Variants in PCNT observed in about 807,000 individuals in gnomAD.
PCNT encodes kendrin.
In PCNT, 319 loss-of-function variants were observed where a neutral mutation model predicts 380.4. The observed-to-expected ratio is 0.84, with a 90% CI of 0.77 to 0.92. The LOEUF is 0.92. Ranked by LOEUF, PCNT falls within the 40% of genes least tolerant of loss-of-function variation. The pLI is 0.00. For synonymous variants in PCNT, 1,845 were observed against 1,735.2 expected (o/e 1.06, Z -1.57); for missense variants, 4,400 against 4,255.3 (o/e 1.03, Z -0.95).
At position 46,443,935 on chromosome 21, in the gene PCNT, C is replaced by T. The variant is rs202170105; in HGVS notation, c.9826C>T (p.His3276Tyr). The change falls in exon 45 of 47, where the codon CAC becomes TAC. Residue 3276 changes from histidine to tyrosine, a missense_variant. Coordinates refer to ENST00000359568, the MANE Select transcript of PCNT (RefSeq NM_006031.6). The part of the protein sequence containing the change: ...GRRLAAAASP[H>Y]SGGRATPSPN... ...CAGACTGGCAGCAGCAGCCTCCCCA[C>T]ACAGTGGGGGAAGGTCAGTGTGATG... is the stretch of plus-strand genomic sequence containing the variant. 4.8e-5 allele frequency: 77 copies of T among 1,612,348 alleles called. No homozygotes were observed. The East Asian group carries it at 1.7e-3, about 35-fold the overall frequency.
intron 16 of PCNT, among the ~76,000 whole-genome samples, chr21:46,383,411 T>G (rs1601909872): frequency 7.1e-6 from 1 of 140,154 alleles, no homozygotes; most frequent in Non-Finnish European, 1.5e-5. Flanking sequence ...ATTCACGGTG[T>G]TGTGCATTCA....
intron 29 of PCNT, among the ~76,000 whole-genome samples, chr21:46,415,093 G>A (rs745673221): frequency 1.3e-4 from 20 of 152,236 alleles, no homozygotes; most frequent in African/African-American, 3.9e-4. Flanking sequence ...TGAGTGTCCC[G>A]CACGTCGCTG....
chr21:46,426,084 T>TTC lies in PCNT; in HGVS notation c.7320+114_7320+115insCT, dbSNP rs1569291444. On this transcript the variant is annotated intron_variant, in intron 33 of 46. Transcript: ENST00000359568. ...GGATTTCTTTCTTTTTTTTTTTTTTTTTTTTTTTTTTTGAGACTCGGCTCA... is the reference window on the plus strand; with the variant it reads ...GGATTTCTTTCTTTTTTTTTTTTTTTTCTTTTTTTTTTTTGAGACTCGGCTCA... The TTC allele has an allele frequency of 1.0e-5, 11 of 1,080,350 alleles. No homozygotes were observed. In the African/African-American group the frequency reaches 1.6e-4, roughly 15 times the overall value. 66.9% of individuals were successfully genotyped at this position (1,080,350 alleles called of 1,614,324 possible).
At chr21:46,359,939 C>G (rs1352116144) in intron 13 of PCNT, among the ~76,000 whole-genome samples, 1 of 151,324 alleles carries the variant, frequency 6.6e-6, no homozygotes, top group East Asian at 1.9e-4. Context: ...TCACTGCAAC[C>G]TCTTCCTCCC....
Position 46,430,893 on chromosome 21 carries a change from GC to G in PCNT, c.8064+245del, listed in dbSNP as rs560879641. 533 of 977,878 alleles carry G rather than the reference GC, an allele frequency of 5.5e-4. 2 individuals are homozygous for G. Among genetic ancestry groups the G allele is most frequent in the African/African-American group, 3.9e-3 (224 of 56,976 alleles). 60.6% of individuals were successfully genotyped at this position (977,878 alleles called of 1,614,324 possible). On this transcript the variant is annotated intron_variant, in intron 37 of 46. Transcript: ENST00000359568. The stretch of plus-strand genomic sequence containing the variant: ...TGGTGGCACGATACCCCTGCTCGGA[GC>G]CCCCCCCCGTCCCTGAGCACTTGCT...
At chr21:46,394,081 A>G (rs972730988) in intron 21 of PCNT, among the ~76,000 whole-genome samples, 5 of 150,808 alleles carry the variant, frequency 3.3e-5, no homozygotes, top group African/African-American at 1.2e-4. Flanking sequence ...CTAGTTTCTC[A>G]CTCTGGTTTG....
intron 27 of PCNT, among the ~76,000 whole-genome samples, chr21:46,403,512 C>T (rs1480559405): frequency 4.1e-5 from 4 of 98,240 alleles, no homozygotes; most frequent in African/African-American, 1.6e-4. Flanking sequence ...TGTGTGGTGC[C>T]CACGCGGCGT....
At position 46,388,874 on chromosome 21, in the gene PCNT, C is replaced by T. The variant is rs2085933075; in HGVS notation, c.3597C>T (p.Ala1199=). The T allele has an allele frequency of 2.5e-6, 4 of 1,603,406 alleles. No individual in the cohort carries two copies. Among genetic ancestry groups the T allele is most frequent in the Non-Finnish European group, 3.4e-6 (4 of 1,178,730 alleles). ...LCLDDAGAGL[A]LSTAPALEET... ...TGGATGACGCGGGCGCAGGCCTGGC[C>T]CTGTCGACAGGTGAGTGTGCCGGGA... Residue 1199 remains alanine, a synonymous_variant, in exon 18 of 47, where the codon GCC becomes GCT. Transcript: ENST00000359568. The surrounding 1 kb of genome is among the most constrained non-coding windows in gnomAD (Gnocchi z 4.2).
rs750074233 is a variant in PCNT at position 46,431,674 on chromosome 21, G to A, written c.8210G>A (p.Arg2737Gln). 1.4e-5 allele frequency: 22 copies of A among 1,613,070 alleles called. No homozygotes were observed. The South Asian group carries it at 1.5e-4, about 11-fold the overall frequency. ...TGCGAGGCCTTGCTGGCTCAGGAGC[G>A]GAGCCAGCTCTCTGAGCTCCAGAAG... ...SRCEALLAQERSQLSELQKDL... is the reference protein window; with the variant it reads ...SRCEALLAQEQSQLSELQKDL... The change falls in exon 38 of 47, where the codon CGG (arginine) becomes CAG (glutamine). Residue 2737 changes from arginine to glutamine, a missense_variant. Transcript: ENST00000359568.
intron 3 of PCNT, among the ~76,000 whole-genome samples, chr21:46,340,358 C>T (rs1204891422): frequency 3.3e-5 from 5 of 152,196 alleles, no homozygotes; most frequent in Admixed American, 2.6e-4. Flanking sequence ...ATATCACATA[C>T]GTATAGCTCA....
intron 2 of PCNT, among the ~76,000 whole-genome samples, chr21:46,332,939 C>A (rs2083603555): frequency 6.6e-6 from 1 of 151,800 alleles, no homozygotes; most frequent in African/African-American, 2.4e-5. Context: ...GAACAGAGAC[C>A]CTGTCTCTAC....
intron 31 of PCNT, among the ~76,000 whole-genome samples, chr21:46,419,929 A>C (rs772529796): frequency 1.4e-4 from 22 of 152,236 alleles, no homozygotes; most frequent in Non-Finnish European, 2.6e-4. Context: ...TTAAGGAAAC[A>C]TGTCCCCAGA....
chr21:46,367,354 C>T (rs1018868206), intron 15 of PCNT, among the ~76,000 whole-genome samples: 2 of 147,428 alleles, frequency 1.4e-5, no homozygotes, highest in African/African-American at 5.0e-5. Context: ...TTTCGCCAGG[C>T]TGGAGTGCAG....
rs554072658 is a variant in PCNT at position 46,370,229 on chromosome 21, G to C, written c.3165+3090G>C. Among the ~76,000 whole-genome samples the C allele has an allele frequency of 5.9e-5, 9 of 152,162 alleles. No individual in the cohort carries two copies. The South Asian group carries it at 1.7e-3, about 28-fold the overall frequency. ...CAGCTGCAGGGGTGGGCATCCGGGG[G>C]GGGGTGTCTTTGGTTGGCCTCCCCT... On this transcript the variant is annotated intron_variant, in intron 15 of 46. Transcript: ENST00000359568.
chr21:46,381,947 G>C lies in PCNT; in HGVS notation c.3312+107G>C, dbSNP rs559319719. The C allele has an allele frequency of 4.4e-4, 547 of 1,233,080 alleles. 6 individuals carry two copies. The South Asian group carries it at 6.5e-3, about 15-fold the overall frequency. The allele number at this position is 1,233,080 out of a possible 1,614,324, so 76.4% of individuals were successfully genotyped here. A position where few individuals can be genotyped will look rare whatever the true frequency, so the allele number is the denominator to read the frequency against. Reference sequence around the variant, plus strand: ...GTGGCAGGAGTGCACTCATGGTGTTGTGCATTTATAGTGTTGTACATTCAG... The same window carrying C: ...GTGGCAGGAGTGCACTCATGGTGTTCTGCATTTATAGTGTTGTACATTCAG... On this transcript the variant is annotated intron_variant, in intron 16 of 46. Transcript: ENST00000359568.
Position 46,445,352 on chromosome 21 carries a change from C to T in PCNT, c.*25C>T, listed in dbSNP as rs745553414. The T allele has an allele frequency of 7.7e-6, 12 of 1,563,532 alleles. No individual in the cohort carries two copies. The highest frequency in any genetic ancestry group is 3.3e-5 in the Admixed American group (2 of 59,948). On this transcript the variant is annotated 3_prime_UTR_variant, in exon 47 of 47. Coordinates refer to ENST00000359568, the MANE Select transcript of PCNT (RefSeq NM_006031.6). The stretch of plus-strand genomic sequence containing the variant: ...AATAAAATGTCATGGCTCTTTCCTG[C>T]GACAATTCTATTTGAGGAAAAGATT...
At chr21:46,367,391 T>C (rs1484364145) in intron 15 of PCNT, among the ~76,000 whole-genome samples, 2 of 146,726 alleles carry the variant, frequency 1.4e-5, no homozygotes, top group African/African-American at 5.0e-5. Flanking sequence ...CACTGCAACC[T>C]CCGCCTCCTG....
At chr21:46,420,842 A>G (rs540347695) in intron 31 of PCNT, 1 of 152,272 alleles carries the variant, frequency 6.6e-6, no homozygotes, top group African/African-American at 2.4e-5. Flanking sequence ...AGATTTCTCA[A>G]ACACCTGAAG....
chr21:46,422,904 C>G (rs1480040983), intron 32 of PCNT, among the ~76,000 whole-genome samples: 1 of 152,178 alleles, frequency 6.6e-6, no homozygotes, highest in Non-Finnish European at 1.5e-5. Flanking sequence ...GTTTCCAAAA[C>G]CCATCCATGA....
Sources: gnomAD v4.1 joint callset for allele counts (sites outside exome capture counted in the v4.1 genomes callset) on GRCh38, gnomAD v4.1.1 for gene constraint, Gnocchi (gnomAD v3.1) non-coding constraint, MANE v1.5 for transcripts, NCBI Gene and HGNC (gene_info 2026-07-23, HGNC 2026-07-21) for gene names.